Variants in FAT3 observed in about 807,000 individuals in gnomAD.
FAT3 encodes the protein protocadherin Fat 3.
In FAT3, 95 loss-of-function variants were observed where a neutral mutation model predicts 310.2. The ratio of observed to expected loss-of-function variants is 0.31; its 90% CI spans 0.26 to 0.36. The LOEUF (loss-of-function observed/expected upper bound fraction) is 0.36. Among genes scored for constraint, FAT3 ranks in the 10% least tolerant of loss-of-function variants. The pLI is 1.00. For synonymous variants in FAT3, 2,314 were observed against 2,192.9 expected (o/e 1.06, Z -1.54); for missense variants, 5,408 against 5,715.6 (o/e 0.95, Z 1.74).
Position 92,352,199 on chromosome 11 carries a change from C to T in FAT3, c.87C>T (p.Val29=), listed in dbSNP as rs1270021780. 2.2e-6 allele frequency: 3 copies of T among 1,376,356 alleles called. No individual in the cohort carries two copies. In the South Asian group the frequency reaches 3.4e-5, roughly 16 times the overall value. 85.3% of individuals were successfully genotyped at this position (1,376,356 alleles called of 1,614,324 possible). A position where few individuals can be genotyped will look rare whatever the true frequency, so the allele number is the denominator to read the frequency against. The change falls in exon 2 of 28, where the codon GTC becomes GTT. Residue 29 remains valine (V), a synonymous_variant. Transcript: ENST00000525166. ...ILLLFKLLAT[V]SQGLPGTGPL... is the part of the protein sequence containing the mutation. Reference sequence around the variant, plus strand: ...TGCTTTTCAAGCTTTTGGCCACTGTCTCCCAGGGGCTGCCAGGGACTGGAC... The same window carrying T: ...TGCTTTTCAAGCTTTTGGCCACTGTTTCCCAGGGGCTGCCAGGGACTGGAC...
chr11:92,867,729 C>T (rs1440999636), intron 22 of FAT3, among the ~76,000 whole-genome samples: 1 of 152,162 alleles, frequency 6.6e-6, no homozygotes, highest in Non-Finnish European at 1.5e-5. Context: ...TTGGAACATA[C>T]TTTTGCAATG....
chr11:92,393,460 A>T (rs1259900636), intron 2 of FAT3, among the ~76,000 whole-genome samples: 1 of 152,096 alleles, frequency 6.6e-6, no homozygotes, highest in African/African-American at 2.4e-5. Flanking sequence ...TTCGCCGCCA[A>T]ACCATCTGAA....
At chr11:92,811,505 C>T (rs1245969576) in intron 13 of FAT3, among the ~76,000 whole-genome samples, 1 of 152,132 alleles carries the variant, frequency 6.6e-6, no homozygotes, top group Non-Finnish European at 1.5e-5. Context: ...TACTGACTCA[C>T]AGACGGTGTG....
intron 1 of FAT3, among the ~76,000 whole-genome samples, chr11:92,299,746 G>C (rs1336221000): frequency 6.6e-6 from 1 of 152,082 alleles, no homozygotes; most frequent in South Asian, 2.1e-4. Context: ...GAAACAAAAA[G>C]CCATATCTTC....
At chr11:92,612,128 C>T (rs1940591027) in intron 3 of FAT3, among the ~76,000 whole-genome samples, 1 of 152,214 alleles carries the variant, frequency 6.6e-6, no homozygotes, top group African/African-American at 2.4e-5. Context: ...AGAGTGATAG[C>T]ATCTCTGTGT....
chr11:92,611,316 A>G (rs1940548804), intron 3 of FAT3, among the ~76,000 whole-genome samples: 1 of 152,048 alleles, frequency 6.6e-6, no homozygotes, highest in Non-Finnish European at 1.5e-5. Flanking sequence ...GGGTCTCGTG[A>G]TGTCACCCAA....
At chr11:92,804,949 T>A (rs1396897012) in intron 10 of FAT3, among the ~76,000 whole-genome samples, 1 of 152,240 alleles carries the variant, frequency 6.6e-6, no homozygotes, top group Non-Finnish European at 1.5e-5. Flanking sequence ...GGAAAGTTAC[T>A]GTTTTGCTTT....
intron 1 of FAT3, among the ~76,000 whole-genome samples, chr11:92,230,052 A>G (rs921077273): frequency 6.6e-6 from 1 of 152,120 alleles, no homozygotes; most frequent in African/African-American, 2.4e-5. Context: ...CGGAAAAGTC[A>G]TACAGAGGAC....
At chr11:92,329,331 A>T (rs1947847090) in intron 1 of FAT3, among the ~76,000 whole-genome samples, 2 of 150,772 alleles carry the variant, frequency 1.3e-5, no homozygotes, top group African/African-American at 4.9e-5. Context: ...TTTCTAGGAG[A>T]GCTGGCTGTT....
intron 4 of FAT3, among the ~76,000 whole-genome samples, chr11:92,747,209 C>T (rs1362997476): frequency 6.6e-6 from 1 of 152,248 alleles, no homozygotes; most frequent in African/African-American, 2.4e-5. Context: ...CATTTCCATA[C>T]ATCCTCTGAA....
intron 3 of FAT3, among the ~76,000 whole-genome samples, chr11:92,555,288 C>T (rs775238874): frequency 9.2e-5 from 14 of 152,150 alleles, no homozygotes; most frequent in Admixed American, 2.0e-4. Context: ...ATTTCAATAG[C>T]TGAGTGGGAA....
At chr11:92,836,418 G>T (rs1402311286) in intron 15 of FAT3, 148 bp from the exon 16 acceptor site, 5 of 777,636 alleles carry the variant, frequency 6.4e-6, no homozygotes, top group Non-Finnish European at 9.7e-6. Flanking sequence ...CATCTCTTCT[G>T]CTGGGGGCGT....
intron 9 of FAT3, among the ~76,000 whole-genome samples, chr11:92,796,160 T>A (rs965113692): frequency 6.6e-6 from 1 of 152,182 alleles, no homozygotes; most frequent in African/African-American, 2.4e-5. Flanking sequence ...TTTCCCCTTA[T>A]AAAGTTCTGT....
chr11:92,238,796 T>C (rs535675410), intron 1 of FAT3, among the ~76,000 whole-genome samples: 3 of 152,150 alleles, frequency 2.0e-5, no homozygotes, highest in Admixed American at 6.6e-5. Context: ...TGTGGGAAAC[T>C]TGAGAAAAAA....
intron 4 of FAT3, among the ~76,000 whole-genome samples, chr11:92,713,239 T>C (rs376958393): frequency 6.6e-6 from 1 of 152,234 alleles, no homozygotes; most frequent in East Asian, 1.9e-4. Flanking sequence ...CTGCAAAGAA[T>C]GATAAGCAAA....
chr11:92,562,088 C>G (rs1245874418), intron 3 of FAT3, among the ~76,000 whole-genome samples: 26 of 152,138 alleles, frequency 1.7e-4, no homozygotes, highest in Admixed American at 1.7e-3. Context: ...TTCACCTCCC[C>G]ACAGGCAGTA....
chr11:92,856,244 T>C (rs957498946), intron 19 of FAT3, among the ~76,000 whole-genome samples: 3 of 152,192 alleles, frequency 2.0e-5, no homozygotes, highest in East Asian at 3.8e-4. Context: ...ATGCTACACA[T>C]TCTCAGTTCA....
At chr11:92,315,525 A>C (rs1947432545) in intron 1 of FAT3, among the ~76,000 whole-genome samples, 1 of 134,496 alleles carries the variant, frequency 7.4e-6, no homozygotes, top group Admixed American at 7.5e-5. Flanking sequence ...AGAGAGAGAG[A>C]GAGAGAGAGA....
At position 92,374,003 on chromosome 11, in the gene FAT3, G is replaced by A. The variant is rs375799830; in HGVS notation, c.3292+18599G>A. ...GACTATGGTATAACTCTCAGTCTGTGGCCAAAGGACTCTCAGACAGAGAGA... is the reference window on the plus strand; with the variant it reads ...GACTATGGTATAACTCTCAGTCTGTAGCCAAAGGACTCTCAGACAGAGAGA... On this transcript the variant is annotated intron_variant, in intron 2 of 27. Coordinates refer to ENST00000525166, the MANE Select transcript of FAT3 (RefSeq NM_001367949.2). Among the ~76,000 whole-genome samples, 15 of 149,252 alleles carry A rather than the reference G, an allele frequency of 1.0e-4. No individual in the cohort carries two copies. In the East Asian group the frequency reaches 2.6e-3, roughly 26 times the overall value.
Sources: allele counts gnomAD v4.1 joint callset (sites outside exome capture counted in the v4.1 genomes callset), GRCh38; gene constraint gnomAD v4.1.1; transcripts MANE v1.5; gene names NCBI Gene and HGNC (gene_info 2026-07-23, HGNC 2026-07-21).